SAMD12: variants seen among roughly 807,000 people sequenced by gnomAD.
SAMD12 encodes sterile alpha motif domain-containing protein 12.
In SAMD12, 9 loss-of-function variants were observed where a neutral mutation model predicts 15.0. The ratio of observed to expected loss-of-function variants is 0.60; its 90% CI spans 0.36 to 1.05. The LOEUF (loss-of-function observed/expected upper bound fraction) is 1.05. SAMD12 is among the 50% of genes least tolerant of loss of function. SAMD12 has a pLI of 0.01. For synonymous variants in SAMD12, 86 were observed against 90.1 expected (o/e 0.96, Z 0.25); for missense variants, 230 against 234.2 (o/e 0.98, Z 0.12).
intron 4 of SAMD12, among the ~76,000 whole-genome samples, chr8:118,365,679 G>A (rs1021761799): frequency 6.6e-6 from 1 of 151,930 alleles, no homozygotes; most frequent in African/African-American, 2.4e-5. Flanking sequence ...AAAATCATGC[G>A]AGCCAATTCC....
At chr8:118,492,931 C>A (rs1824491680) in intron 2 of SAMD12, among the ~76,000 whole-genome samples, 1 of 152,102 alleles carries the variant, frequency 6.6e-6, no homozygotes, top group Non-Finnish European at 1.5e-5. Context: ...AATCTCCAAT[C>A]AAAGATACTA....
chr8:118,526,034 A>G lies in SAMD12; in HGVS notation c.192+54681T>C, dbSNP rs544679044. The stretch of plus-strand genomic sequence containing the variant: ...CTTCTCTGTGTCCTTCACAAGACTG[A>G]TTACAGACTCCAAGTCTTATTTGTC... On this transcript the variant is annotated intron_variant, in intron 2 of 3. Coordinates refer to ENST00000314727, the MANE Select transcript of SAMD12 (RefSeq NM_207506.3). 2.0e-5 allele frequency among the ~76,000 whole-genome samples: 3 copies of G among 152,308 alleles called. No individual in the cohort carries two copies. In the East Asian group the frequency reaches 5.8e-4, roughly 29 times the overall value.
At chr8:118,526,105 C>A (rs1825529932) in intron 2 of SAMD12, among the ~76,000 whole-genome samples, 2 of 152,128 alleles carry the variant, frequency 1.3e-5, no homozygotes, top group Admixed American at 1.3e-4. Flanking sequence ...ATGAATTCTA[C>A]CCATAGATAA....
At chr8:118,466,559 A>G (rs1823600537) in intron 2 of SAMD12, among the ~76,000 whole-genome samples, 1 of 152,230 alleles carries the variant, frequency 6.6e-6, no homozygotes, top group African/African-American at 2.4e-5. Context: ...ATTAACTACA[A>G]AAAACACCCA....
intron 1 of SAMD12, among the ~76,000 whole-genome samples, chr8:118,615,001 A>G (rs1356192199): frequency 1.3e-4 from 20 of 152,194 alleles, no homozygotes; most frequent in East Asian, 1.9e-4. Flanking sequence ...GCAAGATCCA[A>G]CTGGACTGTG....
At chr8:118,176,315 G>T in the SAMD12 span, among the ~76,000 whole-genome samples, 1 of 151,970 alleles carries the variant, frequency 6.6e-6, no homozygotes, top group Non-Finnish European at 1.5e-5. Flanking sequence ...AAGAAAAAAA[G>T]AATATGAAAA....
chr8:118,457,222 C>CTTTT (rs796704911), intron 2 of SAMD12, among the ~76,000 whole-genome samples: 1 of 140,726 alleles, frequency 7.1e-6, no homozygotes, highest in African/African-American at 2.8e-5. Flanking sequence ...CTCTCTCTCT[C>CTTTT]TTTTTTTTTT....
intron 4 of SAMD12, among the ~76,000 whole-genome samples, chr8:118,359,637 A>G (rs1010180062): frequency 1.3e-5 from 2 of 152,152 alleles, no homozygotes; most frequent in African/African-American, 4.8e-5. Context: ...ATCACTTCTT[A>G]TACTGTGTGA....
intron 4 of SAMD12, among the ~76,000 whole-genome samples, chr8:118,321,510 A>T (rs966528453): frequency 9.2e-5 from 14 of 152,032 alleles, no homozygotes; most frequent in Non-Finnish European, 1.6e-4. Flanking sequence ...GCCACTCGGG[A>T]GGCTGAGGCA....
intron 2 of SAMD12, among the ~76,000 whole-genome samples, chr8:118,456,823 T>C (rs540448330): frequency 7.2e-4 from 110 of 152,232 alleles, no homozygotes; most frequent in Non-Finnish European, 3.4e-4. Context: ...ACTGTACACT[T>C]TTTATTCACA....
intron 4 of SAMD12, among the ~76,000 whole-genome samples, chr8:118,233,670 C>T (rs1307184741): frequency 1.3e-5 from 2 of 152,132 alleles, no homozygotes; most frequent in African/African-American, 4.8e-5. Flanking sequence ...CTCTTCCTTT[C>T]CCTAAAGGCT....
At chr8:118,597,369 T>C (rs185372688) in intron 1 of SAMD12, among the ~76,000 whole-genome samples, 10 of 152,304 alleles carry the variant, frequency 6.6e-5, no homozygotes, top group Middle Eastern at 3.4e-3. Context: ...CTCACCCCCA[T>C]GGTTGCTTTA....
intron 4 of SAMD12, among the ~76,000 whole-genome samples, chr8:118,266,008 T>C (rs938340186): frequency 1.3e-5 from 2 of 152,126 alleles, no homozygotes; most frequent in Non-Finnish European, 2.9e-5. Flanking sequence ...AGAGGTTTAA[T>C]TGACTCACAA....
chr8:118,323,599 TA>T (rs33979536), intron 4 of SAMD12, among the ~76,000 whole-genome samples: 72,178 of 149,668 alleles, frequency 0.48, 19,213 homozygotes, highest in African/African-American at 0.74. Context: ...ACATCTCTAC[TA>T]AAAAAAAAAA....
rs145659486 is a variant in SAMD12 at position 118,197,527 on chromosome 8, A to G, written c.*183T>C. 3.6e-5 allele frequency: 24 copies of G among 664,684 alleles called. No individual in the cohort carries two copies. The East Asian group carries it at 5.7e-4, about 16-fold the overall frequency. The allele number at this position is 664,684 out of a possible 1,614,324, so 41.2% of individuals were successfully genotyped here. A position where few individuals can be genotyped will look rare whatever the true frequency, so the allele number is the denominator to read the frequency against. On this transcript the variant is annotated 3_prime_UTR_variant, in exon 5 of 5. Transcript: ENST00000409003. ...ATTATGCACCTCATTTTAAATCCAC[A>G]GCAAAGCAAGATTTTTCCAAAACCC... is the stretch of plus-strand genomic sequence containing the variant.
rs1328734081 is a variant in SAMD12 at position 118,460,902 on chromosome 8, T to C, written c.193-20941A>G. 3.3e-5 allele frequency among the ~76,000 whole-genome samples: 5 copies of C among 152,306 alleles called. No homozygotes were observed. In the South Asian group the frequency reaches 1.0e-3, roughly 32 times the overall value. ...GCAAAACTGACATGACGGCACCAAC[T>C]TACCTTCTCAGCTACATCACTCATC... On this transcript the variant is annotated intron_variant, in intron 2 of 3. Coordinates refer to ENST00000314727, the MANE Select transcript of SAMD12 (RefSeq NM_207506.3).
intron 4 of SAMD12, among the ~76,000 whole-genome samples, chr8:118,258,367 C>T (rs879137897): frequency 6.6e-6 from 1 of 152,114 alleles, no homozygotes; most frequent in Admixed American, 6.6e-5. Flanking sequence ...CTGTGGCTTG[C>T]CACACCTTAC....
At position 118,275,801 on chromosome 8, in the gene SAMD12, G is replaced by C. The variant is rs1813461266; in HGVS notation, c.434-78069C>G. ...ATTTAGCTCCCACTTGGAAGTGAGA[G>C]CATGTGATATTTGGTTCTGTTCCTG... is the stretch of plus-strand genomic sequence containing the variant. On this transcript the variant is annotated intron_variant, in intron 4 of 4. Transcript: ENST00000409003. Among the ~76,000 whole-genome samples, 3 of 152,180 alleles carry C rather than the reference G, an allele frequency of 2.0e-5. No homozygotes were observed. In the South Asian group the frequency reaches 6.2e-4, roughly 31 times the overall value.
chr8:118,212,505 G>A (rs979835248), intron 4 of SAMD12, among the ~76,000 whole-genome samples: 7 of 152,122 alleles, frequency 4.6e-5, no homozygotes, highest in African/African-American at 9.7e-5. Flanking sequence ...CATTTTGGAT[G>A]TATCTCCATA....
Sources: gnomAD v4.1 joint callset for allele counts (sites outside exome capture counted in the v4.1 genomes callset) on GRCh38, gnomAD v4.1.1 for gene constraint, MANE v1.5 for transcripts, NCBI Gene and HGNC (gene_info 2026-07-23, HGNC 2026-07-21) for gene names.